RARRES1: variants seen among roughly 807,000 people sequenced by gnomAD.
RARRES1 encodes retinoic acid receptor responder protein 1.
A neutral mutation model predicts 30.6 loss-of-function variants in RARRES1; 34 were observed. That is an observed-to-expected ratio of 1.11 (90% confidence interval 0.84 to 1.48). The LOEUF (loss-of-function observed/expected upper bound fraction) is 1.48, where lower values mean the gene tolerates loss of function less well. RARRES1 is among the 40% of genes most tolerant of loss of function. The pLI is 0.00. For missense variants in RARRES1, 373 were observed against 386.5 expected, an observed-to-expected ratio of 0.97 and a Z score of 0.29; for synonymous variants, 153 against 155.5, an observed-to-expected ratio of 0.98 and a Z score of 0.12.
chr3:158,729,731 C>T lies in RARRES1; in HGVS notation c.276+2409G>A, dbSNP rs183514554. ...CCTCCCAAAGTGCTGAGATTACAGG[C>T]GTGAGCCACCGCGCCCAGCCTATTA... On this transcript the variant is annotated intron_variant, in intron 1 of 5. Transcript: ENST00000237696. Among the ~76,000 whole-genome samples, 20 of 152,116 alleles carry T rather than the reference C, an allele frequency of 1.3e-4. No homozygotes were observed. The East Asian group carries it at 3.5e-3, about 27-fold the overall frequency.
At position 158,710,947 on chromosome 3, in the gene RARRES1, C is replaced by T. The variant is rs371546683; in HGVS notation, c.340-14G>A. 1.2e-6 allele frequency: 2 copies of T among 1,608,216 alleles called. No individual in the cohort carries two copies. Among genetic ancestry groups the T allele is most frequent in the Middle Eastern group, 1.7e-4 (1 of 6,036 alleles). Reference sequence around the variant, plus strand: ...CTGAAGTAAAGACTGTGGAGTTAAACAGGATACTTTATCACCTCCCACTCA... The same window carrying T: ...CTGAAGTAAAGACTGTGGAGTTAAATAGGATACTTTATCACCTCCCACTCA... On this transcript the variant is annotated splice_polypyrimidine_tract_variant and intron_variant, in intron 2 of 5. Coordinates refer to ENST00000237696, the MANE Select transcript of RARRES1 (RefSeq NM_206963.2).
chr3:158,699,833 GGA>G (rs1050865119), intron 4 of RARRES1, among the ~76,000 whole-genome samples: 41 of 152,152 alleles, frequency 2.7e-4, no homozygotes, highest in Non-Finnish European at 7.3e-5. Flanking sequence ...AACAGTTACT[GGA>G]GGTTCCAGTG....
At chr3:158,707,009 A>C (rs771221819) in intron 3 of RARRES1, among the ~76,000 whole-genome samples, 6 of 152,178 alleles carry the variant, frequency 3.9e-5, no homozygotes, top group Non-Finnish European at 7.3e-5. Flanking sequence ...TCTCTATTAA[A>C]AATATAAAAA....
At chr3:158,729,742 G>A (rs900696600) in intron 1 of RARRES1, among the ~76,000 whole-genome samples, 2 of 151,838 alleles carry the variant, frequency 1.3e-5, no homozygotes, top group East Asian at 2.0e-4. Context: ...GTGAGCCACC[G>A]CGCCCAGCCT....
At chr3:158,717,770 A>G (rs977411924) in intron 1 of RARRES1, among the ~76,000 whole-genome samples, 1 of 152,116 alleles carries the variant, frequency 6.6e-6, no homozygotes, top group Non-Finnish European at 1.5e-5. Flanking sequence ...CAGGGCTTGG[A>G]GCCAAGGTGA....
intron 3 of RARRES1, among the ~76,000 whole-genome samples, chr3:158,708,252 C>G (rs905984337): frequency 6.6e-6 from 1 of 152,192 alleles, no homozygotes; most frequent in African/African-American, 2.4e-5. Context: ...CTTCCTTGAT[C>G]CAGCTCATCA....
chr3:158,709,119 T>C (rs1342355881), intron 3 of RARRES1, among the ~76,000 whole-genome samples: 1 of 152,172 alleles, frequency 6.6e-6, no homozygotes, highest in African/African-American at 2.4e-5. Context: ...CGATGAAAAG[T>C]TGCCCTCTAT....
At chr3:158,716,732 C>T (rs537559353) in intron 1 of RARRES1, among the ~76,000 whole-genome samples, 28 of 151,992 alleles carry the variant, frequency 1.8e-4, no homozygotes, top group Admixed American at 7.2e-4. Flanking sequence ...TACAGGTGCA[C>T]GCTGCCACAC....
intron 1 of RARRES1, among the ~76,000 whole-genome samples, chr3:158,728,300 C>T (rs1249428054): frequency 2.0e-5 from 3 of 151,978 alleles, no homozygotes; most frequent in Non-Finnish European, 2.9e-5. Flanking sequence ...ATCTCAGCCT[C>T]TCATCTTACA....
At chr3:158,714,114 T>G (rs909032293) in intron 1 of RARRES1, among the ~76,000 whole-genome samples, 1 of 152,050 alleles carries the variant, frequency 6.6e-6, no homozygotes, top group Non-Finnish European at 1.5e-5. Context: ...GGAGTGACTT[T>G]GTGAGAGCAG....
chr3:158,731,016 C>T (rs543703543), intron 1 of RARRES1, among the ~76,000 whole-genome samples: 1 of 152,224 alleles, frequency 6.6e-6, no homozygotes, highest in African/African-American at 2.4e-5. Context: ...CTCCCGACCT[C>T]AGGTGATCCA....
chr3:158,720,268 G>GTGTA (rs1559873741), intron 1 of RARRES1, among the ~76,000 whole-genome samples: 1 of 143,316 alleles, frequency 7.0e-6, no homozygotes, highest in African/African-American at 2.6e-5. Context: ...GTGTGTGTAT[G>GTGTA]TGTGTGAGAG....
rs550361623 is a variant in RARRES1 at position 158,703,126 on chromosome 3, A to C, written c.672+1665T>G. 4.6e-5 allele frequency among the ~76,000 whole-genome samples: 7 copies of C among 152,240 alleles called. No homozygotes were observed. The South Asian group carries it at 1.5e-3, about 32-fold the overall frequency. The stretch of plus-strand genomic sequence containing the variant: ...ACACCTTTGCTCTCATCCTGCTCTC[A>C]GCTTATTACTTTGCCTCGTTTTTCA... On this transcript the variant is annotated intron_variant, in intron 4 of 5. Coordinates refer to ENST00000237696, the MANE Select transcript of RARRES1 (RefSeq NM_206963.2).
intron 1 of RARRES1, among the ~76,000 whole-genome samples, chr3:158,715,221 TAAAG>T (rs1331168748): frequency 6.6e-6 from 1 of 152,246 alleles, no homozygotes; most frequent in Non-Finnish European, 1.5e-5. Context: ...TGGGGAGATA[TAAAG>T]AAATATGATG....
At chr3:158,706,438 G>A (rs982975410) in intron 3 of RARRES1, among the ~76,000 whole-genome samples, 5 of 152,210 alleles carry the variant, frequency 3.3e-5, no homozygotes, top group African/African-American at 1.2e-4. Flanking sequence ...AAGGCACCAG[G>A]CAGGGGCAGC....
At position 158,697,378 on chromosome 3, in the gene RARRES1, T is replaced by A. The variant is rs2108126706; in HGVS notation, c.*300A>T. On this transcript the variant is annotated 3_prime_UTR_variant, in exon 6 of 6. Coordinates refer to ENST00000237696, the MANE Select transcript of RARRES1 (RefSeq NM_206963.2). ...TTTTTTGCAGTTAAAAAAAAAATGC[T>A]GATTCTGGTGCAACATACACTGATT... 4.3e-6 allele frequency: 1 copy of A among 230,422 alleles called. No individual in the cohort carries two copies. Among genetic ancestry groups the A allele is most frequent in the East Asian group, 9.1e-5 (1 of 10,982 alleles). The allele number at this position is 230,422 out of a possible 1,614,324, so 14.3% of individuals were successfully genotyped here. A position where few individuals can be genotyped will look rare whatever the true frequency, so the allele number is the denominator to read the frequency against.
At chr3:158,722,611 T>G (rs1727551486) in intron 1 of RARRES1, among the ~76,000 whole-genome samples, 1 of 151,992 alleles carries the variant, frequency 6.6e-6, no homozygotes, top group African/African-American at 2.4e-5. Flanking sequence ...GGCCGGGCGC[T>G]GTGGCTCATG....
At chr3:158,731,621 C>G (rs1209510670) in intron 1 of RARRES1, among the ~76,000 whole-genome samples, 1 of 152,210 alleles carries the variant, frequency 6.6e-6, no homozygotes, top group Non-Finnish European at 1.5e-5. Flanking sequence ...AACCACATTA[C>G]CCCGAAGCCC....
chr3:158,728,180 C>T (rs1158795316), intron 1 of RARRES1, among the ~76,000 whole-genome samples: 1 of 151,354 alleles, frequency 6.6e-6, no homozygotes, highest in South Asian at 2.1e-4. Flanking sequence ...GCAATACACT[C>T]TAATCGTTTG....
Sources: allele counts gnomAD v4.1 joint callset (sites outside exome capture counted in the v4.1 genomes callset), GRCh38; gene constraint gnomAD v4.1.1; transcripts MANE v1.5; gene names NCBI Gene and HGNC (gene_info 2026-07-23, HGNC 2026-07-21).